The following MBOAT1 variants were observed in gnomAD, a reference collection of about 807,000 sequenced individuals.
MBOAT1 encodes the protein membrane-bound glycerophospholipid O-acyltransferase 1.
A neutral mutation model predicts 64.4 loss-of-function variants in MBOAT1; 67 were observed. That is an observed-to-expected ratio of 1.04 (90% CI 0.85 to 1.27). The LOEUF (loss-of-function observed/expected upper bound fraction) is 1.27, where lower values mean the gene tolerates loss of function less well. Ranked by LOEUF, MBOAT1 falls within the 50% of genes most tolerant of loss-of-function variation. MBOAT1 has a pLI of 0.00. For synonymous variants in MBOAT1, 229 were observed against 218.9 expected (o/e 1.05, Z -0.41); for missense variants, 563 against 604.6 (o/e 0.93, Z 0.72).
chr6:20,124,054 G>C (rs1035893244), intron 8 of MBOAT1, among the ~76,000 whole-genome samples: 1 of 151,820 alleles, frequency 6.6e-6, no homozygotes, highest in African/African-American at 2.4e-5. Context: ...GAGACTCCAT[G>C]TCAAAAAAAA....
chr6:20,181,604 A>G (rs374545658), intron 1 of MBOAT1, among the ~76,000 whole-genome samples: 2 of 152,226 alleles, frequency 1.3e-5, no homozygotes, highest in South Asian at 2.1e-4. Flanking sequence ...AAATGGCAGA[A>G]GCTTTGCTAT....
intron 1 of MBOAT1, among the ~76,000 whole-genome samples, chr6:20,196,331 A>G (rs1362722515): frequency 6.6e-6 from 1 of 152,226 alleles, no homozygotes; most frequent in Non-Finnish European, 1.5e-5. Flanking sequence ...TTGGAAATGT[A>G]AGAAGCTAGT....
At chr6:20,153,847 TA>T (rs1036784365) in intron 1 of MBOAT1, among the ~76,000 whole-genome samples, 4 of 152,184 alleles carry the variant, frequency 2.6e-5, no homozygotes, top group Non-Finnish European at 5.9e-5. Context: ...CAGCTGATTT[TA>T]AAAAACAATA....
intron 1 of MBOAT1, among the ~76,000 whole-genome samples, chr6:20,188,821 G>A (rs1289373185): frequency 1.3e-5 from 2 of 152,100 alleles, no homozygotes; most frequent in Non-Finnish European, 2.9e-5. Flanking sequence ...TTATCTGTGT[G>A]GCTGTGGGCA....
At position 20,100,831 on chromosome 6, in the gene MBOAT1, T is replaced by C. The variant is rs1759766653; in HGVS notation, c.*1455A>G. ...CACCATTGCAGCATATACTTTATTA[T>C]TATCATCATTATTATTTTCCACAAC... On this transcript the variant is annotated 3_prime_UTR_variant, in exon 13 of 13. Transcript: ENST00000324607. Among the ~76,000 whole-genome samples the C allele has an allele frequency of 6.7e-6, 1 of 149,876 alleles. No individual in the cohort carries two copies. Among genetic ancestry groups the C allele is most frequent in the Non-Finnish European group, 1.5e-5 (1 of 67,814 alleles).
chr6:20,187,562 A>C (rs1220313056), intron 1 of MBOAT1, among the ~76,000 whole-genome samples: 1 of 152,238 alleles, frequency 6.6e-6, no homozygotes, highest in Non-Finnish European at 1.5e-5. Flanking sequence ...AATCATCTAC[A>C]AAACCAGAAA....
chr6:20,180,579 T>A (rs1193446596), intron 1 of MBOAT1, among the ~76,000 whole-genome samples: 1 of 152,198 alleles, frequency 6.6e-6, no homozygotes, highest in East Asian at 1.9e-4. Flanking sequence ...CCTCATAGAA[T>A]GAGCTGCTCT....
chr6:20,203,688 C>T (rs569067022), intron 1 of MBOAT1, among the ~76,000 whole-genome samples: 1 of 151,844 alleles, frequency 6.6e-6, no homozygotes, highest in Non-Finnish European at 1.5e-5. Flanking sequence ...TAGTAAGGAG[C>T]AATTATTTTG....
chr6:20,209,500 G>T (rs959643477), intron 1 of MBOAT1, among the ~76,000 whole-genome samples: 1 of 152,138 alleles, frequency 6.6e-6, no homozygotes, highest in Non-Finnish European at 1.5e-5. Flanking sequence ...TGCTTACCAG[G>T]TATTTCCATT....
intron 1 of MBOAT1, among the ~76,000 whole-genome samples, chr6:20,155,773 C>CT (rs1374276761): frequency 2.0e-5 from 3 of 152,182 alleles, no homozygotes; most frequent in African/African-American, 7.2e-5. Context: ...CTACTAAACT[C>CT]TAACTAGAGA....
At chr6:20,166,206 A>G (rs1294727909) in intron 1 of MBOAT1, among the ~76,000 whole-genome samples, 1 of 152,210 alleles carries the variant, frequency 6.6e-6, no homozygotes, top group Admixed American at 6.5e-5. Flanking sequence ...TCATTCAACA[A>G]AAGATGGACA....
chr6:20,117,574 C>T (rs1760365288), intron 9 of MBOAT1, among the ~76,000 whole-genome samples: 1 of 152,236 alleles, frequency 6.6e-6, no homozygotes, highest in Non-Finnish European at 1.5e-5. Context: ...CCCATGCCTC[C>T]TTCTGGCCTA....
Position 20,099,990 on chromosome 6 carries a change from A to G in MBOAT1, c.*2296T>C, listed in dbSNP as rs1430381598. Among the ~76,000 whole-genome samples the G allele has an allele frequency of 6.6e-6, 1 of 152,198 alleles. No homozygotes were observed. Among genetic ancestry groups the G allele is most frequent in the Non-Finnish European group, 1.5e-5 (1 of 68,034 alleles). ...ACACCAAGTCTGACATATAGCATCC[A>G]TAAGCTCAACTCCTAGAGGTTTGAC... On this transcript the variant is annotated 3_prime_UTR_variant, in exon 13 of 13. Coordinates refer to ENST00000324607, the MANE Select transcript of MBOAT1 (RefSeq NM_001080480.3).
Position 20,105,056 on chromosome 6 carries a change from G to T in MBOAT1, c.1362-2644C>A, listed in dbSNP as rs530578949. 1.7e-4 allele frequency among the ~76,000 whole-genome samples: 26 copies of T among 152,338 alleles called. 1 individual carries two copies. The highest frequency in any genetic ancestry group is 5.2e-4 in the Admixed American group (8 of 15,298). ...CAAGACATTATTGAGAGTGGAAAAA[G>T]TGCTCCACAGATAAACACGGTGATT... On this transcript the variant is annotated intron_variant, in intron 12 of 12. Coordinates refer to ENST00000324607, the MANE Select transcript of MBOAT1 (RefSeq NM_001080480.3).
At chr6:20,113,141 G>A (rs763269035) in intron 10 of MBOAT1, 133 bp from the exon 11 acceptor site, 23 of 1,116,728 alleles carry the variant, frequency 2.1e-5, no homozygotes, top group South Asian at 3.4e-5. Context: ...AACCGTCTTC[G>A]GGGACTTGCA....
chr6:20,193,274 G>A (rs1762860921), intron 1 of MBOAT1, among the ~76,000 whole-genome samples: 1 of 152,054 alleles, frequency 6.6e-6, no homozygotes, highest in African/African-American at 2.4e-5. Context: ...CCAGAGTGCT[G>A]GGATTACAGG....
At position 20,124,551 on chromosome 6, in the gene MBOAT1, A is replaced by T; in HGVS notation, c.764T>A (p.Phe255Tyr). The T allele has an allele frequency of 6.2e-7, 1 of 1,614,216 alleles. No individual in the cohort carries two copies. Among genetic ancestry groups the T allele is most frequent in the Non-Finnish European group, 8.5e-7 (1 of 1,180,044 alleles). ...AGGAAAGGTCTTCGTTAGCGTCAAA[A>T]ACAAAAGGAGAGACACCAAGGTGAT... The part of the protein sequence containing the change: ...LGITLVSLLL[F>Y]LTLTKTFPVT... The change falls in exon 8 of 13, where the codon TTT (phenylalanine) becomes TAT (tyrosine). Residue 255 changes from phenylalanine (F) to tyrosine (Y), a missense_variant. Coordinates refer to ENST00000324607, the MANE Select transcript of MBOAT1 (RefSeq NM_001080480.3).
At position 20,115,535 on chromosome 6, in the gene MBOAT1, T is replaced by C. The variant is rs182432179; in HGVS notation, c.1012-183A>G. Reference sequence around the variant, plus strand: ...TTTTCTGCTGTTTATAAGATCCACTTTGCAACTAAAACCTGTCTTGCGAAG... The same window carrying C: ...TTTTCTGCTGTTTATAAGATCCACTCTGCAACTAAAACCTGTCTTGCGAAG... On this transcript the variant is annotated intron_variant, in intron 9 of 12. Coordinates refer to ENST00000324607, the MANE Select transcript of MBOAT1 (RefSeq NM_001080480.3). 1.4e-4 allele frequency among the ~76,000 whole-genome samples: 22 copies of C among 152,326 alleles called. No individual in the cohort carries two copies. The East Asian group carries it at 4.0e-3, about 28-fold the overall frequency.
At chr6:20,192,379 C>T (rs1762825770) in intron 1 of MBOAT1, among the ~76,000 whole-genome samples, 1 of 152,060 alleles carries the variant, frequency 6.6e-6, no homozygotes, top group Non-Finnish European at 1.5e-5. Flanking sequence ...CTTTCTCTTC[C>T]AGCTACTAAC....
Sources: gnomAD v4.1 joint callset for allele counts (sites outside exome capture counted in the v4.1 genomes callset) on GRCh38, gnomAD v4.1.1 for gene constraint, MANE v1.5 for transcripts, NCBI Gene and HGNC (gene_info 2026-07-23, HGNC 2026-07-21) for gene names.